The following ASF1A variants were observed in gnomAD, a reference collection of about 807,000 sequenced individuals.
The protein encoded by ASF1A is histone chaperone ASF1A.
A neutral mutation model predicts 22.0 loss-of-function variants in ASF1A; 5 were observed. The observed-to-expected ratio is 0.23, with a 90% CI of 0.12 to 0.48. ASF1A has a LOEUF of 0.48. ASF1A is among the 20% of genes least tolerant of loss of function. ASF1A has a pLI of 0.99. For synonymous variants in ASF1A, 97 were observed against 86.7 expected (o/e 1.12, Z -0.66); for missense variants, 137 against 240.6 (o/e 0.57, Z 2.85).
At position 118,905,893 on chromosome 6, in the gene ASF1A, C is replaced by G. The variant is rs1214541166; in HGVS notation, c.402+65C>G. 1.2e-5 allele frequency: 15 copies of G among 1,235,250 alleles called. No homozygotes were observed. The East Asian group carries it at 3.4e-4, about 28-fold the overall frequency. The allele number at this position is 1,235,250 out of a possible 1,614,324, so 76.5% of individuals were successfully genotyped here. A position where few individuals can be genotyped will look rare whatever the true frequency, so the allele number is the denominator to read the frequency against. ...GCAATTTTTAAAGCAGTTGCTATTG[C>G]AATTTCATAGTATACTATTAAAATG... On this transcript the variant is annotated intron_variant, in intron 3 of 3. Transcript: ENST00000229595.
At chr6:118,905,572 A>T in intron 2 of ASF1A, 80 bp from the exon 3 acceptor site, 1 of 1,138,462 alleles carries the variant, frequency 8.8e-7, no homozygotes, top group Non-Finnish European at 1.2e-6. Context: ...TGATGGTTCT[A>T]GGTAACTGAA....
At chr6:118,904,196 T>C (rs1229138649) in intron 2 of ASF1A, among the ~76,000 whole-genome samples, 1 of 152,154 alleles carries the variant, frequency 6.6e-6, no homozygotes, top group African/African-American at 2.4e-5. Flanking sequence ...AGATAGGAGA[T>C]GACATGAATT....
intron 2 of ASF1A, among the ~76,000 whole-genome samples, chr6:118,904,986 C>T (rs1398140895): frequency 1.3e-5 from 2 of 152,086 alleles, no homozygotes; most frequent in Admixed American, 6.5e-5. Context: ...TACAGGCACC[C>T]GCCACCATGC....
intron 1 of ASF1A, among the ~76,000 whole-genome samples, chr6:118,896,002 C>A (rs1005621013): frequency 6.7e-6 from 1 of 150,224 alleles, no homozygotes; most frequent in African/African-American, 2.4e-5. Context: ...GCCCTATCTC[C>A]TTTCGGTAAT....
chr6:118,897,375 G>C (rs1462343387), intron 1 of ASF1A, among the ~76,000 whole-genome samples: 1 of 152,082 alleles, frequency 6.6e-6, no homozygotes, highest in Non-Finnish European at 1.5e-5. Flanking sequence ...CTGAGACCCT[G>C]GCTGGATGTG....
chr6:118,898,811 G>A (rs141109064), intron 1 of ASF1A, among the ~76,000 whole-genome samples: 1,603 of 152,076 alleles, frequency 0.011, 16 homozygotes, highest in Non-Finnish European at 0.018. Flanking sequence ...TTGGCTTTTG[G>A]GTCACCTACC....
intron 1 of ASF1A, among the ~76,000 whole-genome samples, chr6:118,899,637 TTAA>T (rs895957913): frequency 1.3e-5 from 2 of 152,218 alleles, no homozygotes; most frequent in African/African-American, 2.4e-5. Context: ...GATTGCTGAC[TTAA>T]TAAGAGAAAA....
chr6:118,903,520 A>C (rs1404906230), intron 2 of ASF1A, among the ~76,000 whole-genome samples: 1 of 152,132 alleles, frequency 6.6e-6, no homozygotes, highest in Admixed American at 6.5e-5. Context: ...CTGAAAAATA[A>C]ACATGTTTAG....
intron 1 of ASF1A, among the ~76,000 whole-genome samples, chr6:118,898,455 C>T (rs1166788554): frequency 2.1e-5 from 3 of 146,006 alleles, no homozygotes; most frequent in Admixed American, 6.9e-5. Context: ...GAGACAATCT[C>T]GTTCCATTGC....
intron 2 of ASF1A, among the ~76,000 whole-genome samples, chr6:118,903,802 A>C (rs762974150): frequency 6.6e-6 from 1 of 152,122 alleles, no homozygotes; most frequent in Non-Finnish European, 1.5e-5. Flanking sequence ...GCCCAGGATA[A>C]TCTCAAATTC....
At chr6:118,895,170 G>A (rs1405793062) in intron 1 of ASF1A, among the ~76,000 whole-genome samples, 1 of 151,974 alleles carries the variant, frequency 6.6e-6, no homozygotes, top group East Asian at 1.9e-4. Flanking sequence ...ACCAGCGGGG[G>A]AGGCGGGCGC....
At chr6:118,895,211 C>A (rs941947914) in intron 1 of ASF1A, among the ~76,000 whole-genome samples, 2 of 151,914 alleles carry the variant, frequency 1.3e-5, no homozygotes, top group Non-Finnish European at 2.9e-5. Context: ...GCGGGCTGGG[C>A]GCCGGCGCTC....
rs547840948 is a variant in ASF1A at position 118,895,090 on chromosome 6, T to A, written c.109+568T>A. On this transcript the variant is annotated intron_variant, in intron 1 of 3. Coordinates refer to ENST00000229595, the MANE Select transcript of ASF1A (RefSeq NM_014034.3). ...GGTGGAGTCGCCGCACTCTCCGGGC[T>A]GGCCATGCCTGGCCGCTTCGGGGAG... Among the ~76,000 whole-genome samples the A allele has an allele frequency of 3.5e-3, 537 of 152,252 alleles. 1 individual carries two copies. The highest frequency in any genetic ancestry group is 0.013 in the African/African-American group (522 of 41,566).
At chr6:118,902,528 C>A (rs1466812133) in intron 2 of ASF1A, among the ~76,000 whole-genome samples, 1 of 131,526 alleles carries the variant, frequency 7.6e-6, no homozygotes, top group Non-Finnish European at 1.6e-5. Context: ...ACTGATAATA[C>A]TTTTTTTTTT....
At chr6:118,898,663 C>G (rs928584761) in intron 1 of ASF1A, among the ~76,000 whole-genome samples, 1 of 152,192 alleles carries the variant, frequency 6.6e-6, no homozygotes. Context: ...AGCCATCCAG[C>G]CACCTTAGCC....
intron 2 of ASF1A, chr6:118,901,165 T>C (rs902767617): frequency 1.7e-5 from 4 of 229,368 alleles, no homozygotes; most frequent in East Asian, 9.1e-5. Context: ...GGTGGTGAAT[T>C]TGGGGCTCTT....
intron 1 of ASF1A, among the ~76,000 whole-genome samples, chr6:118,898,083 A>C (rs1227959549): frequency 3.9e-5 from 6 of 152,196 alleles, no homozygotes; most frequent in Non-Finnish European, 7.3e-5. Flanking sequence ...TTTTCAGAAG[A>C]AGCCCGGGGT....
chr6:118,894,936 G>A (rs918600709), intron 1 of ASF1A, among the ~76,000 whole-genome samples: 2 of 152,174 alleles, frequency 1.3e-5, no homozygotes, highest in South Asian at 2.1e-4. Flanking sequence ...TCGCGCCGGC[G>A]AGTTCGGAGC....
intron 1 of ASF1A, among the ~76,000 whole-genome samples, chr6:118,897,194 C>T (rs116308476): frequency 0.01 from 1,577 of 152,228 alleles, 31 homozygotes; most frequent in African/African-American, 0.036. Context: ...CCTCAAGTCT[C>T]AAAGCAGAGT....
Sources: gnomAD v4.1 joint callset for allele counts (sites outside exome capture counted in the v4.1 genomes callset) on GRCh38, gnomAD v4.1.1 for gene constraint, MANE v1.5 for transcripts, NCBI Gene and HGNC (gene_info 2026-07-23, HGNC 2026-07-21) for gene names.